Variants in SDK1 observed in about 807,000 individuals in gnomAD.
SDK1 encodes sidekick cell adhesion molecule 1, also known as protein sidekick-1.
Under a neutral mutation model 245.5 loss-of-function variants are expected in SDK1, and 157 were observed. The observed-to-expected ratio is 0.64, with a 90% CI of 0.56 to 0.73. SDK1 has a LOEUF of 0.73. Ranked by LOEUF, SDK1 falls within the 30% of genes least tolerant of loss-of-function variation. SDK1 has a pLI of 0.00. For missense variants in SDK1, 3,583 were observed against 3,002.3 expected, an observed-to-expected ratio of 1.19 and a Z score of -4.52; for synonymous variants, 1,647 against 1,278.5, an observed-to-expected ratio of 1.29 and a Z score of -6.15.
chr7:3,717,007 T>G (rs1473758334), intron 4 of SDK1, among the ~76,000 whole-genome samples: 2 of 152,156 alleles, frequency 1.3e-5, no homozygotes, highest in African/African-American at 4.8e-5. Context: ...AAAAATTTAA[T>G]TCCATCTCAA....
chr7:3,767,491 A>G (rs1780286723), intron 4 of SDK1, among the ~76,000 whole-genome samples: 1 of 152,190 alleles, frequency 6.6e-6, no homozygotes, highest in Non-Finnish European at 1.5e-5. Context: ...TTTTCTTGTA[A>G]TTGCTTATTT....
chr7:4,123,652 G>A (rs1282517483), intron 25 of SDK1, among the ~76,000 whole-genome samples: 1 of 152,218 alleles, frequency 6.6e-6, no homozygotes, highest in African/African-American at 2.4e-5. Context: ...TTTCATAGAA[G>A]CACTGAGTAA....
intron 5 of SDK1, among the ~76,000 whole-genome samples, chr7:3,848,999 C>G (rs773350162): frequency 3.3e-5 from 5 of 152,196 alleles, no homozygotes; most frequent in Non-Finnish European, 7.4e-5. Flanking sequence ...TATGCCACTT[C>G]TCTTCTTCCG....
chr7:4,150,440 T>C (rs556965958), intron 30 of SDK1, among the ~76,000 whole-genome samples: 3 of 152,298 alleles, frequency 2.0e-5, no homozygotes, highest in African/African-American at 4.8e-5. Flanking sequence ...CCGAGCTTCC[T>C]CTGTCTCTCA....
At chr7:3,659,636 C>T (rs532295780) in intron 4 of SDK1, among the ~76,000 whole-genome samples, 12 of 152,286 alleles carry the variant, frequency 7.9e-5, no homozygotes, top group African/African-American at 1.7e-4. Context: ...GAATTTTCTC[C>T]ACGTGTAGTG....
At chr7:3,898,845 T>C (rs1166221410) in intron 5 of SDK1, among the ~76,000 whole-genome samples, 1 of 152,234 alleles carries the variant, frequency 6.6e-6, no homozygotes, top group Non-Finnish European at 1.5e-5. Flanking sequence ...GTTCATTCTT[T>C]ACTAGGCTAA....
chr7:4,105,360 G>A (rs913792660), intron 22 of SDK1, among the ~76,000 whole-genome samples: 1 of 151,568 alleles, frequency 6.6e-6, no homozygotes, highest in African/African-American at 2.4e-5. Flanking sequence ...AGGCTGGAGT[G>A]CAGTGGCATG....
At position 4,035,801 on chromosome 7, in the gene SDK1, G is replaced by A. The variant is rs376138384; in HGVS notation, c.2603-13547G>A. Among the ~76,000 whole-genome samples the A allele has an allele frequency of 1.8e-4, 28 of 152,202 alleles. No individual in the cohort carries two copies. In the East Asian group the frequency reaches 4.0e-3, roughly 22 times the overall value. On this transcript the variant is annotated intron_variant, in intron 17 of 44. Coordinates refer to ENST00000404826, the MANE Select transcript of SDK1 (RefSeq NM_152744.4). ...TCTCATCATTCCAAGAAGCAAAGAC[G>A]GTATGCTATCAACTATCAACATGGC...
chr7:3,956,399 G>A (rs77418780), intron 7 of SDK1, among the ~76,000 whole-genome samples: 3 of 152,146 alleles, frequency 2.0e-5, no homozygotes, highest in Non-Finnish European at 4.4e-5. Context: ...CTGAGCAGCC[G>A]CTGGGTTAGA....
At chr7:3,363,577 G>A (rs1467187690) in intron 1 of SDK1, among the ~76,000 whole-genome samples, 1 of 152,184 alleles carries the variant, frequency 6.6e-6, no homozygotes, top group Admixed American at 6.5e-5. Flanking sequence ...TTCAAAGACA[G>A]TTTTTCCATG....
chr7:3,944,818 C>T (rs938039582), intron 5 of SDK1, among the ~76,000 whole-genome samples: 38 of 152,180 alleles, frequency 2.5e-4, no homozygotes, highest in Admixed American at 7.9e-4. Context: ...TGAGAACAAA[C>T]ACCCAGAAAG....
At chr7:3,767,949 T>G (rs1163988943) in intron 4 of SDK1, among the ~76,000 whole-genome samples, 2 of 152,244 alleles carry the variant, frequency 1.3e-5, no homozygotes, top group East Asian at 3.8e-4. Context: ...AGCCATTTAC[T>G]TTACCATCCC....
chr7:3,620,208 C>T (rs957442636), intron 2 of SDK1, among the ~76,000 whole-genome samples: 2 of 152,150 alleles, frequency 1.3e-5, no homozygotes, highest in African/African-American at 4.8e-5. Flanking sequence ...CGTGGAACCA[C>T]ACTCAGCCTG....
At chr7:4,166,376 C>T (rs1781500832) in intron 32 of SDK1, among the ~76,000 whole-genome samples, 1 of 152,242 alleles carries the variant, frequency 6.6e-6, no homozygotes, top group Non-Finnish European at 1.5e-5. Context: ...GCAGTGGGCT[C>T]TTTAAGGCAT....
rs1358859574 is a variant in SDK1 at position 3,427,490 on chromosome 7, G to A, written c.298+125606G>A. ...GCTGAGATTGTGCCATTGGACTGCA[G>A]CCTGGGTGAGAAGAGCGAAGCTCCA... is the stretch of plus-strand genomic sequence containing the variant. On this transcript the variant is annotated intron_variant, in intron 1 of 44. Transcript: ENST00000404826. 8.2e-5 allele frequency among the ~76,000 whole-genome samples: 12 copies of A among 146,862 alleles called. No homozygotes were observed. The South Asian group carries it at 2.3e-3, about 29-fold the overall frequency.
chr7:3,509,018 C>A (rs534227780), intron 1 of SDK1, among the ~76,000 whole-genome samples: 2 of 152,158 alleles, frequency 1.3e-5, no homozygotes, highest in Non-Finnish European at 2.9e-5. Flanking sequence ...TCATAGCAGG[C>A]AGGCAGCAGT....
chr7:3,887,511 T>TG (rs2128100893), intron 5 of SDK1, among the ~76,000 whole-genome samples: 1 of 152,268 alleles, frequency 6.6e-6, no homozygotes, highest in Non-Finnish European at 1.5e-5. Context: ...TCTGAAAGGC[T>TG]GGAAGAATTT....
intron 5 of SDK1, among the ~76,000 whole-genome samples, chr7:3,879,264 C>T (rs1447607018): frequency 6.6e-6 from 1 of 152,168 alleles, no homozygotes; most frequent in Non-Finnish European, 1.5e-5. Flanking sequence ...ACCACTGTGG[C>T]CTAAAACCAA....
At chr7:3,974,705 G>C (rs1782769907) in intron 13 of SDK1, 160 bp downstream of exon 13, 5 of 595,618 alleles carry the variant, frequency 8.4e-6, no homozygotes, top group Non-Finnish European at 1.4e-5. Flanking sequence ...TATGGACAAG[G>C]TTTTTTTGTG....
Sources: gnomAD v4.1 joint callset for allele counts (sites outside exome capture counted in the v4.1 genomes callset) on GRCh38, gnomAD v4.1.1 for gene constraint, MANE v1.5 for transcripts, NCBI Gene and HGNC (gene_info 2026-07-23, HGNC 2026-07-21) for gene names.